FSIP1: variants seen among roughly 807,000 people sequenced by gnomAD.
FSIP1 encodes fibrous sheath interacting protein 1.
FSIP1 carries 65 observed loss-of-function variants against 60.9 expected under a neutral mutation model. The ratio of observed to expected loss-of-function variants is 1.07; its 90% CI spans 0.87 to 1.31. The LOEUF is 1.31. Among genes scored for constraint, FSIP1 ranks in the 40% most tolerant of loss-of-function variants. The pLI is 0.00. For synonymous variants in FSIP1, 209 were observed against 221.2 expected, an observed-to-expected ratio of 0.94 and a Z score of 0.49; for missense variants, 675 against 665.5, an observed-to-expected ratio of 1.01 and a Z score of -0.16.
chr15:39,740,417 T>C (rs1187296373), intron 6 of FSIP1, among the ~76,000 whole-genome samples: 2 of 152,226 alleles, frequency 1.3e-5, no homozygotes, highest in Admixed American at 1.3e-4. Flanking sequence ...AGAAAAATAC[T>C]TGTGGACTCG....
intron 10 of FSIP1, among the ~76,000 whole-genome samples, chr15:39,708,894 T>C (rs1895385001): frequency 6.6e-6 from 1 of 152,216 alleles, no homozygotes; most frequent in Non-Finnish European, 1.5e-5. Context: ...CCTATATGCC[T>C]ACTGAGTTTC....
At chr15:39,623,560 C>T (rs376961257) in intron 10 of FSIP1, among the ~76,000 whole-genome samples, 21 of 152,304 alleles carry the variant, frequency 1.4e-4, no homozygotes, top group African/African-American at 3.6e-4. Flanking sequence ...TGCTTAATGA[C>T]GAAGATATAA....
chr15:39,646,232 T>C (rs896627847), intron 10 of FSIP1, among the ~76,000 whole-genome samples: 25 of 151,980 alleles, frequency 1.6e-4, no homozygotes, highest in African/African-American at 4.6e-4. Flanking sequence ...GACCTGCCAG[T>C]AGAGAGGAGC....
rs751926809 is a variant in FSIP1, at chr15:39,618,190, C to T, written c.1244G>A (p.Cys415Tyr). 1.5e-5 allele frequency: 24 copies of T among 1,613,408 alleles called. No individual in the cohort carries two copies. The Admixed American group carries it at 3.7e-4, about 25-fold the overall frequency. ...EEQLKCLLDE[C>Y]ILKQKSIIKL... ...AATGATGGATTTTTGTTTAAGTATG[C>T]ATTCATCCAGAAGACACTTTAACTG... Residue 415 changes from cysteine (C) to tyrosine (Y), a missense_variant, in exon 11 of 12, where the codon TGC (cysteine) becomes TAC (tyrosine). Cys to Tyr is a radical substitution (Grantham distance 194). Transcript: ENST00000350221.
chr15:39,713,310 T>C (rs893676213), intron 10 of FSIP1, 134 bp downstream of exon 10: 25 of 678,142 alleles, frequency 3.7e-5, no homozygotes, highest in Non-Finnish European at 5.7e-5. Flanking sequence ...CCCACACCTG[T>C]AATCCTAGCA....
chr15:39,768,619 T>C (rs1897770804), intron 3 of FSIP1, among the ~76,000 whole-genome samples: 1 of 152,214 alleles, frequency 6.6e-6, no homozygotes, highest in African/African-American at 2.4e-5. Context: ...GTCATCCTAT[T>C]GTAATCTGTT....
At chr15:39,744,911 C>A (rs181171635) in intron 5 of FSIP1, among the ~76,000 whole-genome samples, 1 of 152,030 alleles carries the variant, frequency 6.6e-6, no homozygotes, top group East Asian at 1.9e-4. Context: ...TGGCATAGAG[C>A]CTTCCACCAG....
intron 7 of FSIP1, among the ~76,000 whole-genome samples, 167 bp from the exon 8 acceptor site, chr15:39,738,368 T>C (rs1298003990): frequency 2.0e-5 from 3 of 150,246 alleles, no homozygotes; most frequent in East Asian, 1.9e-4. Flanking sequence ...AATTTTTATA[T>C]AGGGCCATTC....
rs181012141 is a variant in FSIP1 at position 39,757,124 on chromosome 15, A to C, written c.559+6697T>G. ...CTGTGCTGGCAACAAAAAATTATAC[A>C]GGAAAAAAAGGCAAAATTTTCCTGT... On this transcript the variant is annotated intron_variant, in intron 5 of 11. Coordinates refer to ENST00000350221, the MANE Select transcript of FSIP1 (RefSeq NM_152597.5). 1.9e-4 allele frequency among the ~76,000 whole-genome samples: 29 copies of C among 152,274 alleles called. No individual in the cohort carries two copies. The East Asian group carries it at 5.4e-3, about 28-fold the overall frequency.
At chr15:39,643,906 AC>A (rs1481582892) in intron 10 of FSIP1, among the ~76,000 whole-genome samples, 1 of 152,230 alleles carries the variant, frequency 6.6e-6, no homozygotes, top group Non-Finnish European at 1.5e-5. Flanking sequence ...TTTTGGTATG[AC>A]TGGAAAATTC....
chr15:39,641,563 T>C lies in FSIP1; in HGVS notation c.1189-23318A>G, dbSNP rs191296999. 5.9e-5 allele frequency among the ~76,000 whole-genome samples: 9 copies of C among 152,348 alleles called. No individual in the cohort carries two copies. In the East Asian group the frequency reaches 1.2e-3, roughly 20 times the overall value. ...GCACTATGACAAATATAATAAAATA[T>C]GATGCATAAAAATGATGTAAAACCG... On this transcript the variant is annotated intron_variant, in intron 10 of 11. Coordinates refer to ENST00000350221, the MANE Select transcript of FSIP1 (RefSeq NM_152597.5).
At chr15:39,711,544 G>C (rs1895506960) in intron 10 of FSIP1, among the ~76,000 whole-genome samples, 1 of 152,070 alleles carries the variant, frequency 6.6e-6, no homozygotes, top group African/African-American at 2.4e-5. Flanking sequence ...TGGAGTGAGA[G>C]GAAGTACCAA....
At chr15:39,778,364 C>A (rs1898133398) in intron 1 of FSIP1, among the ~76,000 whole-genome samples, 1 of 152,180 alleles carries the variant, frequency 6.6e-6, no homozygotes, top group African/African-American at 2.4e-5. Context: ...AAGAGCTCCA[C>A]AAATCTTTCA....
intron 8 of FSIP1, among the ~76,000 whole-genome samples, chr15:39,732,110 C>A (rs1896427170): frequency 6.6e-6 from 1 of 152,140 alleles, no homozygotes; most frequent in Non-Finnish European, 1.5e-5. Context: ...AGCAGACAAC[C>A]TAGATCCCTC....
At chr15:39,731,791 C>T (rs1896414489) in intron 8 of FSIP1, among the ~76,000 whole-genome samples, 2 of 152,090 alleles carry the variant, frequency 1.3e-5, no homozygotes, top group South Asian at 2.1e-4. Flanking sequence ...CCAGACTCCC[C>T]GACTCAATAC....
At chr15:39,597,899 G>C (rs1318528754), downstream of FSIP1, 2 of 152,214 alleles carry the variant, frequency 1.3e-5, no homozygotes, top group Admixed American at 6.5e-5. Context: ...ATTGCATGTT[G>C]TGGAGACACT....
chr15:39,716,812 CTT>C (rs72106293), intron 9 of FSIP1, among the ~76,000 whole-genome samples: 6 of 110,208 alleles, frequency 5.4e-5, no homozygotes, highest in East Asian at 2.7e-4. Context: ...CAGGCCATGT[CTT>C]TTTTTTTTTT....
intron 2 of FSIP1, among the ~76,000 whole-genome samples, chr15:39,773,060 G>C (rs1156914267): frequency 1.3e-5 from 2 of 151,442 alleles, no homozygotes; most frequent in South Asian, 2.1e-4. Flanking sequence ...AAATTAATAA[G>C]CAACAACAAG....
intron 2 of FSIP1, among the ~76,000 whole-genome samples, chr15:39,771,132 T>A (rs913564251): frequency 7.2e-5 from 11 of 152,208 alleles, no homozygotes; most frequent in Admixed American, 6.5e-5. Flanking sequence ...GCAAAGTTCA[T>A]TTTGAAAACA....
Sources: allele counts gnomAD v4.1 joint callset (sites outside exome capture counted in the v4.1 genomes callset), GRCh38; gene constraint gnomAD v4.1.1; transcripts MANE v1.5; gene names NCBI Gene and HGNC (gene_info 2026-07-23, HGNC 2026-07-21).